MFAP1: variants seen among roughly 807,000 people sequenced by gnomAD.
The protein encoded by MFAP1 is microfibrillar-associated protein 1.
A neutral mutation model predicts 62.2 loss-of-function variants in MFAP1; 18 were observed. The ratio of observed to expected loss-of-function variants is 0.29; its 90% CI spans 0.20 to 0.43. The LOEUF (loss-of-function observed/expected upper bound fraction) is 0.43, where lower values mean the gene tolerates loss of function less well. MFAP1 is among the 20% of genes least tolerant of loss of function. The probability of loss-of-function intolerance (pLI) is 1.00; values close to 1 mark genes in which losing one functional copy is unlikely to be tolerated. For synonymous variants in MFAP1, 175 were observed against 180.4 expected (o/e 0.97, Z 0.24); for missense variants, 355 against 559.7 (o/e 0.63, Z 3.69).
chr15:43,819,763 C>T (rs1027507317), intron 1 of MFAP1, among the ~76,000 whole-genome samples: 1 of 152,150 alleles, frequency 6.6e-6, no homozygotes, highest in Non-Finnish European at 1.5e-5. Flanking sequence ...GAACTCCTGA[C>T]CTCAGGTGAT....
chr15:43,807,639 C>T (rs895618424), intron 7 of MFAP1, among the ~76,000 whole-genome samples: 4 of 152,102 alleles, frequency 2.6e-5, no homozygotes, highest in Admixed American at 1.3e-4. Flanking sequence ...TGAGCCACCG[C>T]GCCCGGCCCA....
chr15:43,807,057 T>C (rs2087370353), intron 7 of MFAP1, among the ~76,000 whole-genome samples: 1 of 150,550 alleles, frequency 6.6e-6, no homozygotes. Context: ...TGTCAAAAAG[T>C]CTATACATCT....
In MFAP1 at chr15:43,813,153, T is replaced by C; in HGVS notation, c.727-6A>G. The C allele has an allele frequency of 3.7e-6, 6 of 1,614,134 alleles. No individual in the cohort carries two copies. The highest frequency in any genetic ancestry group is 5.1e-6 in the Non-Finnish European group (6 of 1,180,018). The stretch of plus-strand genomic sequence containing the variant: ...TTGGTTTCCTCTTCGACAATCTGGA[T>C]AGGGAGAACAATTCAGCTTGGACTT... On this transcript the variant is annotated splice_polypyrimidine_tract_variant and splice_region_variant and intron_variant, in intron 5 of 8. Coordinates refer to ENST00000267812, the MANE Select transcript of MFAP1 (RefSeq NM_005926.3).
In MFAP1 at chr15:43,805,345, T is replaced by C. The variant is rs149980848; in HGVS notation, c.1137+31A>G. 5.1e-4 allele frequency: 816 copies of C among 1,604,672 alleles called. 4 individuals are homozygous for C. In the African/African-American group the frequency reaches 9.7e-3, roughly 19 times the overall value. On this transcript the variant is annotated intron_variant, in intron 8 of 8. Transcript: ENST00000267812. ...TGCCTCAGCTATCAATACATCACTT[T>C]TCTCTGTCATGTTATTAAGGTTCCC...
chr15:43,811,186 G>A (rs2087398297), intron 6 of MFAP1, among the ~76,000 whole-genome samples: 1 of 151,184 alleles, frequency 6.6e-6, no homozygotes, highest in African/African-American at 2.4e-5. Flanking sequence ...AGGCCGAGGT[G>A]GGTGGATCAC....
chr15:43,812,630 C>T (rs2087409013), intron 6 of MFAP1, among the ~76,000 whole-genome samples: 1 of 152,156 alleles, frequency 6.6e-6, no homozygotes, highest in Non-Finnish European at 1.5e-5. Flanking sequence ...AACTGTTCAG[C>T]CAACCTCCAA....
intron 7 of MFAP1, 22 bp from the exon 8 acceptor site, chr15:43,805,487 A>G: frequency 1.9e-6 from 3 of 1,584,828 alleles, no homozygotes; most frequent in Non-Finnish European, 2.6e-6. Context: ...AAATCTTATC[A>G]ATCTTGTGGC....
intron 1 of MFAP1, among the ~76,000 whole-genome samples, chr15:43,821,941 GT>G (rs1179224801): frequency 2.7e-5 from 4 of 150,622 alleles, no homozygotes; most frequent in African/African-American, 9.7e-5. Flanking sequence ...AACTAGAAAC[GT>G]GTGTAAGAGA....
chr15:43,822,697 G>T (rs574739400), intron 1 of MFAP1, among the ~76,000 whole-genome samples: 9 of 152,170 alleles, frequency 5.9e-5, no homozygotes, highest in Non-Finnish European at 1.2e-4. Flanking sequence ...ACAGGGTCTT[G>T]ATCTGTTGCT....
intron 7 of MFAP1, among the ~76,000 whole-genome samples, chr15:43,806,954 C>T (rs547385236): frequency 2.6e-5 from 4 of 152,148 alleles, no homozygotes; most frequent in Admixed American, 6.5e-5. Context: ...CTTAATCCAC[C>T]TTTTCAGTTC....
At chr15:43,824,467 G>A in intron 1 of MFAP1, 24 bp downstream of exon 1, 4 of 1,612,828 alleles carry the variant, frequency 2.5e-6, no homozygotes, top group Non-Finnish European at 2.5e-6. Flanking sequence ...AAATTCGACT[G>A]GGAAGAGGGT....
At chr15:43,811,078 T>G (rs2087397692) in intron 6 of MFAP1, among the ~76,000 whole-genome samples, 1 of 148,684 alleles carries the variant, frequency 6.7e-6, no homozygotes, top group Non-Finnish European at 1.5e-5. Context: ...TAAAGGGCAC[T>G]TAGACTCCTA....
intron 1 of MFAP1, among the ~76,000 whole-genome samples, chr15:43,817,787 A>C (rs972083228): frequency 2.0e-5 from 3 of 152,116 alleles, no homozygotes; most frequent in Non-Finnish European, 4.4e-5. Context: ...CCTCAACTAT[A>C]CCCTTAAACA....
At position 43,804,697 on chromosome 15, in the gene MFAP1, T is replaced by TTCCGG. The variant is rs1431696981; in HGVS notation, c.*392_*396dup. 6.2e-6 allele frequency: 1 copy of TTCCGG among 160,592 alleles called. No homozygotes were observed. Among genetic ancestry groups the TTCCGG allele is most frequent in the Non-Finnish European group, 1.4e-5 (1 of 74,048 alleles). The allele number at this position is 160,592 out of a possible 1,614,324, so 9.9% of individuals were successfully genotyped here. A position where few individuals can be genotyped will look rare whatever the true frequency, so the allele number is the denominator to read the frequency against. On this transcript the variant is annotated 3_prime_UTR_variant, in exon 9 of 9. Transcript: ENST00000267812. ...AAAACATGTTTCCATGAGCTTAGAT[T>TTCCGG]TCCGGGTATATTACTCCTAAACCTA...
At chr15:43,808,290 C>G (rs1203266927) in intron 7 of MFAP1, among the ~76,000 whole-genome samples, 3 of 152,224 alleles carry the variant, frequency 2.0e-5, no homozygotes, top group African/African-American at 7.2e-5. Flanking sequence ...ACTGCAGCCT[C>G]AACCTCTCGG....
chr15:43,820,049 G>A (rs912502309), intron 1 of MFAP1, among the ~76,000 whole-genome samples: 2 of 152,228 alleles, frequency 1.3e-5, no homozygotes, highest in Non-Finnish European at 1.5e-5. Context: ...TTGGGAGGCT[G>A]AGGCAGGAGA....
At chr15:43,809,666 A>C (rs2087387050) in intron 7 of MFAP1, 89 bp downstream of exon 7, 2 of 1,472,940 alleles carry the variant, frequency 1.4e-6, no homozygotes, top group South Asian at 2.6e-5. Flanking sequence ...TGGAAATTAC[A>C]TTCCAGAATA....
intron 1 of MFAP1, among the ~76,000 whole-genome samples, chr15:43,821,160 A>G (rs1256000329): frequency 1.3e-5 from 2 of 152,164 alleles, no homozygotes; most frequent in African/African-American, 4.8e-5. Flanking sequence ...TAACGGTCAC[A>G]AGTAATCTAT....
At chr15:43,810,542 A>T (rs1033965219) in intron 6 of MFAP1, among the ~76,000 whole-genome samples, 1 of 150,232 alleles carries the variant, frequency 6.7e-6, no homozygotes, top group Non-Finnish European at 1.5e-5. Context: ...AATCTTTTTG[A>T]ATTTTTAGTA....
Sources: gnomAD v4.1 joint callset for allele counts (sites outside exome capture counted in the v4.1 genomes callset) on GRCh38, gnomAD v4.1.1 for gene constraint, MANE v1.5 for transcripts, NCBI Gene and HGNC (gene_info 2026-07-23, HGNC 2026-07-21) for gene names.